Variants in RBFOX3 observed in about 807,000 individuals in gnomAD.
The protein encoded by RBFOX3 is RNA binding fox-1 homolog 3.
In RBFOX3, 17 loss-of-function variants were observed where a neutral mutation model predicts 48.7. The ratio of observed to expected loss-of-function variants is 0.35; its 90% CI spans 0.24 to 0.52. The LOEUF is 0.52. RBFOX3 is among the 20% of genes least tolerant of loss of function. The pLI, the probability that RBFOX3 is intolerant of heterozygous loss-of-function variation, is 0.94. For synonymous variants in RBFOX3, 212 were observed against 209.5 expected (o/e 1.01, Z -0.10); for missense variants, 382 against 497.5 (o/e 0.77, Z 2.21).
At chr17:79,463,572 T>C (rs1358121620) in intron 2 of RBFOX3, among the ~76,000 whole-genome samples, 15 of 54,106 alleles carry the variant, frequency 2.8e-4, no homozygotes, top group African/African-American at 3.1e-4. Flanking sequence ...TCCACCACCA[T>C]CGCCACTGCC....
intron 4 of RBFOX3, among the ~76,000 whole-genome samples, chr17:79,202,109 C>G (rs1432606298): frequency 5.9e-5 from 9 of 152,140 alleles, no homozygotes. Context: ...CACTGACAGG[C>G]TTCCCCGGCA....
chr17:79,397,667 A>T (rs2148342783), intron 2 of RBFOX3, among the ~76,000 whole-genome samples: 1 of 152,278 alleles, frequency 6.6e-6, no homozygotes, highest in Non-Finnish European at 1.5e-5. Context: ...CCTCACTGAC[A>T]TCTTTTCCTT....
chr17:79,453,576 G>T (rs1555742951), intron 2 of RBFOX3, among the ~76,000 whole-genome samples: 1 of 152,206 alleles, frequency 6.6e-6, no homozygotes, highest in Non-Finnish European at 1.5e-5. Flanking sequence ...GCCCCACAGG[G>T]GTTATGGAGA....
intron 4 of RBFOX3, among the ~76,000 whole-genome samples, chr17:79,141,728 GCA>G (rs2041955413): frequency 6.6e-6 from 1 of 152,172 alleles, no homozygotes; most frequent in African/African-American, 2.4e-5. Context: ...TGTAAAGCAG[GCA>G]TAAGACAGCC....
chr17:79,112,915 T>TGGGG (rs1189871020), intron 5 of RBFOX3, among the ~76,000 whole-genome samples: 1 of 60,178 alleles, frequency 1.7e-5, no homozygotes, highest in African/African-American at 7.9e-5. Context: ...GGGGGGGGGG[T>TGGGG]GGGCTGGGTA....
At chr17:79,489,210 C>G (rs1362102499) in intron 1 of RBFOX3, among the ~76,000 whole-genome samples, 1 of 122,408 alleles carries the variant, frequency 8.2e-6, no homozygotes, top group African/African-American at 3.2e-5. Flanking sequence ...GAGAGCGGAA[C>G]ATTTTAGCCT....
intron 4 of RBFOX3, among the ~76,000 whole-genome samples, chr17:79,223,371 C>T (rs996285179): frequency 1.1e-4 from 16 of 152,196 alleles, no homozygotes; most frequent in African/African-American, 3.6e-4. Context: ...CCTTATCCAC[C>T]CCCCTCACAA....
intron 2 of RBFOX3, among the ~76,000 whole-genome samples, chr17:79,322,758 G>A (rs2078726689): frequency 6.6e-6 from 1 of 152,188 alleles, no homozygotes; most frequent in Non-Finnish European, 1.5e-5. Flanking sequence ...TGCCCCAGAG[G>A]GAGGATACCA....
intron 1 of RBFOX3, among the ~76,000 whole-genome samples, chr17:79,538,375 C>T (rs1310744443): frequency 1.3e-5 from 2 of 152,212 alleles, no homozygotes; most frequent in Non-Finnish European, 2.9e-5. Context: ...TGGAGTTTTC[C>T]CTTCTATGCC....
the RBFOX3 span, among the ~76,000 whole-genome samples, chr17:79,656,859 AGGAGGGAGGGAG>A: frequency 5.0e-5 from 6 of 120,432 alleles, no homozygotes; most frequent in Middle Eastern, 3.8e-3. Context: ...AAAGAAGGGA[AGGAGGGAGGGAG>A]GGAAGGAAGG....
At chr17:79,467,127 C>A (rs1397290585) in intron 2 of RBFOX3, among the ~76,000 whole-genome samples, 5 of 152,092 alleles carry the variant, frequency 3.3e-5, no homozygotes, top group Admixed American at 1.3e-4. Context: ...GCGGTGGCAT[C>A]ACCTGCCAGG....
chr17:79,547,659 G>C (rs572325757), intron 1 of RBFOX3, among the ~76,000 whole-genome samples: 2 of 152,220 alleles, frequency 1.3e-5, no homozygotes, highest in Admixed American at 1.3e-4. Context: ...ACATCCACTG[G>C]GGAGAAGAGA....
intron 1 of RBFOX3, among the ~76,000 whole-genome samples, chr17:79,483,988 C>T (rs1169810994): frequency 1.3e-5 from 2 of 152,086 alleles, no homozygotes; most frequent in Non-Finnish European, 2.9e-5. Context: ...TACTCCAACC[C>T]AAACAGTGTA....
intron 4 of RBFOX3, among the ~76,000 whole-genome samples, chr17:79,167,750 C>T (rs1256751868): frequency 2.0e-5 from 3 of 152,226 alleles, no homozygotes; most frequent in Admixed American, 6.5e-5. Context: ...GCCTCTTCAA[C>T]CCTGGCCCTA....
intron 4 of RBFOX3, among the ~76,000 whole-genome samples, chr17:79,165,550 C>G (rs2047822888): frequency 6.6e-6 from 1 of 152,184 alleles, no homozygotes; most frequent in African/African-American, 2.4e-5. Flanking sequence ...TGCCAGCCAT[C>G]CCGGGAGGTG....
chr17:79,394,700 T>C (rs926501505), intron 2 of RBFOX3, among the ~76,000 whole-genome samples: 4 of 152,190 alleles, frequency 2.6e-5, no homozygotes, highest in African/African-American at 9.7e-5. Flanking sequence ...TTTATCCAAG[T>C]CTCTTTGCAC....
In RBFOX3 at chr17:79,361,972, G is replaced by A. The variant is rs78995620; in HGVS notation, c.-174-54148C>T. On this transcript the variant is annotated intron_variant, in intron 2 of 14. Transcript: ENST00000693108. The surrounding 1 kb of genome is among the most constrained non-coding windows in gnomAD (Gnocchi z 4.5). ...ATTTCCATTTTAATATGCAAGCGGT[G>A]TTGGCTCTTCTCCGAGATTCTTCGA... Among the ~76,000 whole-genome samples, 992 of 152,328 alleles carry A rather than the reference G, an allele frequency of 6.5e-3. 12 individuals are homozygous for A. Among genetic ancestry groups the A allele is most frequent in the African/African-American group, 0.023 (936 of 41,560 alleles).
At chr17:79,622,392 C>G in the RBFOX3 span, among the ~76,000 whole-genome samples, 1 of 152,154 alleles carries the variant, frequency 6.6e-6, no homozygotes, top group African/African-American at 2.4e-5. Flanking sequence ...CGAGACTCAG[C>G]CAGAGGAGGT....
At chr17:79,305,147 T>A (rs1192406090) in intron 3 of RBFOX3, among the ~76,000 whole-genome samples, 1 of 151,852 alleles carries the variant, frequency 6.6e-6, no homozygotes, top group Non-Finnish European at 1.5e-5. Context: ...ACCCCTCCGA[T>A]GGTGGCCCCA....
Sources: allele counts gnomAD v4.1 joint callset (sites outside exome capture counted in the v4.1 genomes callset), GRCh38; gene constraint gnomAD v4.1.1; non-coding constraint Gnocchi (gnomAD v3.1); transcripts MANE v1.5; gene names NCBI Gene and HGNC (gene_info 2026-07-23, HGNC 2026-07-21).